The following CARD10 variants were observed in gnomAD, a reference collection of about 807,000 sequenced individuals.
The protein encoded by CARD10 is caspase recruitment domain family member 10.
A neutral mutation model predicts 114.6 loss-of-function variants in CARD10; 49 were observed. The ratio of observed to expected loss-of-function variants is 0.43; its 90% CI spans 0.34 to 0.54. The LOEUF is 0.54. CARD10 is among the 20% of genes least tolerant of loss of function. The probability of loss-of-function intolerance (pLI) is 0.03; values close to 1 mark genes in which losing one functional copy is unlikely to be tolerated. For synonymous variants in CARD10, 602 were observed against 593.2 expected (o/e 1.01, Z -0.21); for missense variants, 1,206 against 1,397.2 (o/e 0.86, Z 2.18).
chr22:37,516,583 C>G (rs535275053), intron 2 of CARD10, among the ~76,000 whole-genome samples: 2 of 152,234 alleles, frequency 1.3e-5, no homozygotes, highest in African/African-American at 4.8e-5. Context: ...AACAAGAACT[C>G]AGAGCCGTAA....
chr22:37,493,354 T>C (rs576547211), intron 16 of CARD10, among the ~76,000 whole-genome samples: 1 of 152,180 alleles, frequency 6.6e-6, no homozygotes, highest in Admixed American at 6.5e-5. Flanking sequence ...GCCCCTGGCA[T>C]GTGCCCCACG....
intron 5 of CARD10, 66 bp from the exon 6 acceptor site, chr22:37,508,020 T>G: frequency 6.3e-7 from 1 of 1,595,776 alleles, no homozygotes; most frequent in Non-Finnish European, 8.6e-7. Context: ...AACCAGCAGG[T>G]GCCCAGGAGG....
chr22:37,518,008 C>A lies in CARD10; in HGVS notation c.336G>T (p.Thr112=), dbSNP rs548708930. The A allele has an allele frequency of 1.7e-4, 280 of 1,614,004 alleles. No homozygotes were observed. In the South Asian group the frequency reaches 2.9e-3, roughly 17 times the overall value. Residue 112 remains threonine (T), a synonymous_variant, in exon 2 of 20, where the codon ACG becomes ACT. Transcript: ENST00000251973. ...AGCAGCGCTGGGCGGGTTCCTGGCC[C>A]GTGAGCAGCGTGAAGTGTTCGGGGT... The part of the protein sequence containing the change: ...FYYPEHFTLL[T]GQEPAQRCSM...
rs141869325 is a variant in CARD10, at chr22:37,492,777, G to A, written c.2502C>T (p.Tyr834=). 3,185 of 1,612,564 alleles carry A rather than the reference G, an allele frequency of 2.0e-3. 62 individuals carry two copies. Among genetic ancestry groups the A allele is most frequent in the Non-Finnish European group, 1.5e-4 (172 of 1,179,866 alleles). Residue 834 remains tyrosine, a synonymous_variant, in exon 17 of 20, where the codon TAC becomes TAT. Coordinates refer to ENST00000251973, the MANE Select transcript of CARD10 (RefSeq NM_014550.4). This position sits in a 1 kb window ranked among gnomAD's most constrained non-coding sequence, Gnocchi z 5.7. Reference sequence around the variant, plus strand: ...ACACCAGTAGCGGCCGCACCAAACTGTAGGGTCTGAGGCTCCGCTCCGGCT... The same window carrying A: ...ACACCAGTAGCGGCCGCACCAAACTATAGGGTCTGAGGCTCCGCTCCGGCT... ...CAEPERSLRP[Y]SLVRPLLVSA... is the part of the protein sequence containing the mutation.
chr22:37,515,955 C>T lies in CARD10; in HGVS notation c.699+18G>A. 1.3e-6 allele frequency: 2 copies of T among 1,540,592 alleles called. No individual in the cohort carries two copies. The highest frequency in any genetic ancestry group is 1.8e-6 in the Non-Finnish European group (2 of 1,136,146). On this transcript the variant is annotated intron_variant, in intron 3 of 19. Transcript: ENST00000251973. ...TGCCCCTTCCCTTGCCTCCCCGACCCATCTCCCCAGGGCCTACCGCCAGCT... is the reference window on the plus strand; with the variant it reads ...TGCCCCTTCCCTTGCCTCCCCGACCTATCTCCCCAGGGCCTACCGCCAGCT...
At chr22:37,518,176 GC>G in intron 1 of CARD10, 68 bp from the exon 2 acceptor site, 2 of 1,527,942 alleles carry the variant, frequency 1.3e-6, no homozygotes. Flanking sequence ...GGTTGCTTCT[GC>G]CCCCACCATG....
Position 37,492,147 on chromosome 22 carries a change from C to A in CARD10, c.2752-280G>T, listed in dbSNP as rs940873337. ...CACCCACCACCCGCCACCTTATAGC[C>A]GACTGCCAGCTCCCAGGATAGTGGC... On this transcript the variant is annotated intron_variant, in intron 18 of 19. Transcript: ENST00000251973. The surrounding 1 kb of genome is among the most constrained non-coding windows in gnomAD (Gnocchi z 5.7). Among the ~76,000 whole-genome samples the A allele has an allele frequency of 3.3e-5, 5 of 152,084 alleles. No homozygotes were observed. Among genetic ancestry groups the A allele is most frequent in the African/African-American group, 1.2e-4 (5 of 41,396 alleles).
intron 15 of CARD10, among the ~76,000 whole-genome samples, chr22:37,494,997 C>G (rs561684184): frequency 5.7e-4 from 86 of 152,202 alleles, no homozygotes; most frequent in Middle Eastern, 3.4e-3. Flanking sequence ...GAGTCTTGCC[C>G]TGTGGCCCAG....
rs779729140 is a variant in CARD10, at chr22:37,496,873, C to T, written c.1947+146G>A. 2.0e-6 allele frequency: 2 copies of T among 1,001,294 alleles called. No homozygotes were observed. The highest frequency in any genetic ancestry group is 2.9e-6 in the Non-Finnish European group (2 of 680,262). The allele number at this position is 1,001,294 out of a possible 1,614,324, so 62.0% of individuals were successfully genotyped here. A position where few individuals can be genotyped will look rare whatever the true frequency, so the allele number is the denominator to read the frequency against. On this transcript the variant is annotated intron_variant, in intron 12 of 19. Coordinates refer to ENST00000251973, the MANE Select transcript of CARD10 (RefSeq NM_014550.4). The surrounding 1 kb of genome is among the most constrained non-coding windows in gnomAD (Gnocchi z 4.1). ...CTTCAATTAAGCCTGGCTGAGCAGGCAACCACAGCTAATCACTGAGCCCGC... is the reference window on the plus strand; with the variant it reads ...CTTCAATTAAGCCTGGCTGAGCAGGTAACCACAGCTAATCACTGAGCCCGC...
chr22:37,494,210 G>C, intron 15 of CARD10, 22 bp from the exon 16 acceptor site: 1 of 1,511,490 alleles, frequency 6.6e-7, no homozygotes, highest in African/African-American at 1.4e-5. Flanking sequence ...CAGGGACAGA[G>C]GAGCATCTGA....
intron 3 of CARD10, among the ~76,000 whole-genome samples, chr22:37,515,203 C>T (rs1266555985): frequency 6.6e-6 from 1 of 152,196 alleles, no homozygotes; most frequent in Non-Finnish European, 1.5e-5. Context: ...ATAATATCAA[C>T]AATGGCTACT....
chr22:37,506,104 A>T (rs1923395480), intron 7 of CARD10, 88 bp downstream of exon 7: 6 of 1,080,638 alleles, frequency 5.6e-6, no homozygotes, highest in Non-Finnish European at 7.6e-6. Context: ...GTCTCCCACC[A>T]GGGCCGGCAC....
intron 19 of CARD10, 123 bp downstream of exon 19, chr22:37,491,632 A>AGGG: frequency 3.8e-5 from 4 of 106,112 alleles, no homozygotes; most frequent in Middle Eastern, 2.6e-3. Flanking sequence ...GAGAGGGGGA[A>AGGG]GGAGAGAGAG....
At position 37,490,847 on chromosome 22, in the gene CARD10, G is replaced by T; in HGVS notation, c.*312C>A. The T allele has an allele frequency of 2.5e-6, 1 of 406,424 alleles. No individual in the cohort carries two copies. 25.2% of individuals were successfully genotyped at this position (406,424 alleles called of 1,614,324 possible). ...AGTGTGCAAACCTGCGCACAGGTGTGAGAACAGACTCCAGGGCGAGTGTTT... is the reference window on the plus strand; with the variant it reads ...AGTGTGCAAACCTGCGCACAGGTGTTAGAACAGACTCCAGGGCGAGTGTTT... On this transcript the variant is annotated 3_prime_UTR_variant, in exon 20 of 20. Coordinates refer to ENST00000251973, the MANE Select transcript of CARD10 (RefSeq NM_014550.4).
chr22:37,518,996 A>G lies in CARD10; in HGVS notation c.205T>C (p.Tyr69His). 7.6e-6 allele frequency: 12 copies of G among 1,573,254 alleles called. No homozygotes were observed. Among genetic ancestry groups the G allele is most frequent in the Non-Finnish European group, 1.0e-5 (12 of 1,164,420 alleles). The part of the protein sequence containing the change: ...EQDEEEVLST[Y>H]RFPCRVNRTG... ...CGGTTGACGCGGCACGGGAAGCGGT[A>G]GGTGCTCAGCACCTCCTCCTCGTCC... Residue 69 changes from tyrosine (Y) to histidine (H), a missense_variant, in exon 1 of 20, where the codon TAC becomes CAC. Transcript: ENST00000251973.
intron 3 of CARD10, among the ~76,000 whole-genome samples, chr22:37,513,482 C>T (rs1923731242): frequency 6.6e-6 from 1 of 152,154 alleles, no homozygotes; most frequent in South Asian, 2.1e-4. Context: ...CTGCAGACTA[C>T]AGAGGCACCT....
chr22:37,517,856 C>A (rs9610777), intron 2 of CARD10, 115 bp downstream of exon 2: 2 of 1,360,742 alleles, frequency 1.5e-6, no homozygotes, highest in South Asian at 2.9e-5. Context: ...CTCTCCATGC[C>A]TCAGTTTCCC....
chr22:37,516,393 C>T, intron 2 of CARD10, 95 bp from the exon 3 acceptor site: 1 of 857,930 alleles, frequency 1.2e-6, no homozygotes, highest in South Asian at 2.0e-5. Context: ...CATAAAAACA[C>T]TAGAGGGAAA....
chr22:37,496,349 G>T lies in CARD10; in HGVS notation c.2059+100C>A. On this transcript the variant is annotated intron_variant, in intron 13 of 19. Coordinates refer to ENST00000251973, the MANE Select transcript of CARD10 (RefSeq NM_014550.4). The surrounding 1 kb of genome is among the most constrained non-coding windows in gnomAD (Gnocchi z 4.1). ...CCAGGAGAAGGGCAATTGGGGCAAG[G>T]CTGGTCCCTTCTCAGGTCCTTGGTC... The T allele has an allele frequency of 1.2e-6, 1 of 833,692 alleles. No individual in the cohort carries two copies. The highest frequency in any genetic ancestry group is 1.9e-6 in the Non-Finnish European group (1 of 524,836). 51.6% of individuals were successfully genotyped at this position (833,692 alleles called of 1,614,324 possible).
Sources: allele counts gnomAD v4.1 joint callset (sites outside exome capture counted in the v4.1 genomes callset), GRCh38; gene constraint gnomAD v4.1.1; non-coding constraint Gnocchi (gnomAD v3.1); transcripts MANE v1.5; gene names NCBI Gene and HGNC (gene_info 2026-07-23, HGNC 2026-07-21).